The following RADIL variants were observed in gnomAD, a reference collection of about 807,000 sequenced individuals.
RADIL encodes the protein Rap associating with DIL domain.
In RADIL, 99 loss-of-function variants were observed where a neutral mutation model predicts 97.6. That is an observed-to-expected ratio of 1.01 (90% CI 0.86 to 1.20). The LOEUF (loss-of-function observed/expected upper bound fraction) is 1.20. RADIL is among the 50% of genes most tolerant of loss of function. RADIL has a pLI of 0.00. For missense variants in RADIL, 1,765 were observed against 1,498.9 expected, an observed-to-expected ratio of 1.18 and a Z score of -2.93; for synonymous variants, 803 against 691.8, an observed-to-expected ratio of 1.16 and a Z score of -2.52.
chr7:4,811,816 A>G (rs1006244126), intron 9 of RADIL, among the ~76,000 whole-genome samples: 4 of 151,696 alleles, frequency 2.6e-5, no homozygotes, highest in Non-Finnish European at 5.9e-5. Context: ...AAAATAATTC[A>G]CCAATGAAAC....
Position 4,799,726 on chromosome 7 carries a change from A to G in RADIL, c.3026T>C (p.Leu1009Pro). The change falls in exon 14 of 15, where the codon CTC (leucine) becomes CCC (proline). Residue 1009 changes from leucine (L) to proline (P), a missense_variant. Coordinates refer to ENST00000399583, the MANE Select transcript of RADIL (RefSeq NM_018059.5). ...GAPGLYIQTLLPGSPAAADGR... is the reference protein window; with the variant it reads ...GAPGLYIQTLPPGSPAAADGR... ...GTCGGCCGCTGCGGGGCTGCCCGGG[A>G]GCAGGGTCTGGATGTAGAGCCCGGG... 6.4e-7 allele frequency: 1 copy of G among 1,563,480 alleles called. No homozygotes were observed. The highest frequency in any genetic ancestry group is 8.6e-7 in the Non-Finnish European group (1 of 1,157,666).
rs549216265 is a variant in RADIL, at chr7:4,829,166, C to T, written c.1454+2975G>A. Among the ~76,000 whole-genome samples, 224 of 152,344 alleles carry T rather than the reference C, an allele frequency of 1.5e-3. 1 individual carries two copies. The highest frequency in any genetic ancestry group is 5.2e-3 in the African/African-American group (217 of 41,582). On this transcript the variant is annotated intron_variant, in intron 5 of 14. Transcript: ENST00000399583. ...GATGTCAGGTGCCACTGTAGGGGCC[C>T]GGGCCTGGACCACCTCCTTGCCGTG...
chr7:4,850,931 G>T (rs1207728341), intron 2 of RADIL, among the ~76,000 whole-genome samples: 1 of 152,204 alleles, frequency 6.6e-6, no homozygotes, highest in Non-Finnish European at 1.5e-5. Flanking sequence ...GCCGAGTGTG[G>T]TGGCTCACAC....
In RADIL at chr7:4,815,009, A is replaced by C. The variant is rs1782641157; in HGVS notation, c.2139+269T>G. Among the ~76,000 whole-genome samples, 1 of 152,190 alleles carries C rather than the reference A, an allele frequency of 6.6e-6. No individual in the cohort carries two copies. Among genetic ancestry groups the C allele is most frequent in the African/African-American group, 2.4e-5 (1 of 41,440 alleles). ...AATCTCAAGGTCCTTAATCGTAGTC[A>C]CACGTACAGAGGCTTCTTTGCCATG... On this transcript the variant is annotated intron_variant, in intron 9 of 14. Transcript: ENST00000399583. This position sits in a 1 kb window ranked among gnomAD's most constrained non-coding sequence, Gnocchi z 8.0.
chr7:4,817,513 G>A lies in RADIL; in HGVS notation c.1616-162C>T, dbSNP rs1443491436. Among the ~76,000 whole-genome samples, 2 of 152,150 alleles carry A rather than the reference G, an allele frequency of 1.3e-5. No homozygotes were observed. The highest frequency in any genetic ancestry group is 2.4e-5 in the African/African-American group (1 of 41,434). On this transcript the variant is annotated intron_variant, in intron 6 of 14. Coordinates refer to ENST00000399583, the MANE Select transcript of RADIL (RefSeq NM_018059.5). This position sits in a 1 kb window ranked among gnomAD's most constrained non-coding sequence, Gnocchi z 8.3. ...GCCGAGGGACTCTGGGCCCTGGCTGGGACGAGCGCAGCAAACCTGCCGCCA... is the reference window on the plus strand; with the variant it reads ...GCCGAGGGACTCTGGGCCCTGGCTGAGACGAGCGCAGCAAACCTGCCGCCA...
At chr7:4,830,748 T>C (rs1053683430) in intron 5 of RADIL, among the ~76,000 whole-genome samples, 5 of 151,334 alleles carry the variant, frequency 3.3e-5, no homozygotes, top group Admixed American at 2.6e-4. Flanking sequence ...GGCGCGGTGG[T>C]TCACACCTGT....
At position 4,806,227 on chromosome 7, in the gene RADIL, G is replaced by A. The variant is rs557744216; in HGVS notation, c.2140-511C>T. Among the ~76,000 whole-genome samples, 99 of 152,342 alleles carry A rather than the reference G, an allele frequency of 6.5e-4. 1 individual carries two copies. The highest frequency in any genetic ancestry group is 2.1e-3 in the African/African-American group (88 of 41,580). On this transcript the variant is annotated intron_variant, in intron 9 of 14. Coordinates refer to ENST00000399583, the MANE Select transcript of RADIL (RefSeq NM_018059.5). Reference sequence around the variant, plus strand: ...TGCAGTGGCTCAATCACAGCTCACCGCAGCCTCGACCTCCCAGGATCAAGC... The same window carrying A: ...TGCAGTGGCTCAATCACAGCTCACCACAGCCTCGACCTCCCAGGATCAAGC...
intron 1 of RADIL, among the ~76,000 whole-genome samples, chr7:4,882,399 C>A (rs954548011): frequency 5.2e-4 from 79 of 152,208 alleles, no homozygotes; most frequent in African/African-American, 1.9e-3. Context: ...TTGGGGAAAG[C>A]GCAGGGCTCG....
chr7:4,807,538 T>TCTCCCTCTGTCTCCCCTCCCTCCTCC (rs1409990836), intron 9 of RADIL, among the ~76,000 whole-genome samples: 1 of 69,066 alleles, frequency 1.4e-5, no homozygotes, highest in African/African-American at 6.0e-5. Context: ...CTCCCTCCTC[T>TCTCCCTCTGTCTCCCCTCCCTCCTCC]CTCCCTCTGT....
At position 4,819,609 on chromosome 7, in the gene RADIL, C is replaced by G. The variant is rs549710652; in HGVS notation, c.1616-2258G>C. Among the ~76,000 whole-genome samples the G allele has an allele frequency of 2.6e-5, 4 of 152,302 alleles. No individual in the cohort carries two copies. The South Asian group carries it at 8.3e-4, about 32-fold the overall frequency. ...ATGGTGTGAGGCGGCGCGGGAGGGG[C>G]CTGGGTCAGAGCTTTGTACAAAACA... On this transcript the variant is annotated intron_variant, in intron 6 of 14. Transcript: ENST00000399583. The surrounding 1 kb of genome is among the most constrained non-coding windows in gnomAD (Gnocchi z 5.8).
intron 2 of RADIL, among the ~76,000 whole-genome samples, chr7:4,876,739 G>C (rs897644805): frequency 6.6e-6 from 1 of 152,190 alleles, no homozygotes; most frequent in Non-Finnish European, 1.5e-5. Context: ...CCGTGCTCTC[G>C]GCACTCCTCA....
intron 9 of RADIL, chr7:4,809,119 G>A: frequency 3.0e-6 from 3 of 984,926 alleles, no homozygotes; most frequent in Non-Finnish European, 3.6e-6. Flanking sequence ...GCGCAGGACA[G>A]GCGCTTCCTG....
At position 4,799,618 on chromosome 7, in the gene RADIL, C is replaced by T. The variant is rs755277353; in HGVS notation, c.3122+12G>A. ...TGGGAGAAGGGGCCGGGCGTGCATG[C>T]GGTGGGGGTACCTCAGGTAGCCAAG... On this transcript the variant is annotated intron_variant, in intron 14 of 14. Transcript: ENST00000399583. 54 of 1,604,778 alleles carry T rather than the reference C, an allele frequency of 3.4e-5. No individual in the cohort carries two copies. Among genetic ancestry groups the T allele is most frequent in the African/African-American group, 8.0e-5 (6 of 74,796 alleles).
At chr7:4,827,126 A>G (rs1455230118) in intron 5 of RADIL, among the ~76,000 whole-genome samples, 1 of 152,162 alleles carries the variant, frequency 6.6e-6, no homozygotes, top group Non-Finnish European at 1.5e-5. Flanking sequence ...GCACTTTGGG[A>G]GGCCAAGGTG....
Position 4,800,187 on chromosome 7 carries a change from C to T in RADIL, c.2966G>A (p.Gly989Asp), listed in dbSNP as rs2115149607. The change falls in exon 13 of 15, where the codon GGC becomes GAC. Residue 989 changes from glycine (G) to aspartate (D), a missense_variant. Physicochemically the swap from Gly to Asp is moderately conservative, Grantham distance 94. Transcript: ENST00000399583. The part of the protein sequence containing the change: ...LERGPSGLGM[G>D]LIDGMHTHLG... ...GCCACTCACCATCCCGTCGATCAGG[C>T]CCATCCCCAGCCCGGAGGGGCCTCG... is the stretch of plus-strand genomic sequence containing the variant. 6.2e-7 allele frequency: 1 copy of T among 1,608,918 alleles called. No homozygotes were observed. Among genetic ancestry groups the T allele is most frequent in the Non-Finnish European group, 8.5e-7 (1 of 1,178,618 alleles).
intron 2 of RADIL, among the ~76,000 whole-genome samples, chr7:4,876,884 T>G (rs916841050): frequency 6.6e-6 from 1 of 152,214 alleles, no homozygotes; most frequent in Admixed American, 6.5e-5. Context: ...CAATGCCACG[T>G]AGGTTTTGGC....
rs1782280490 is a variant in RADIL at position 4,805,604 on chromosome 7, TCCCAGGTGCTCATGGGGCCCATGGCC to T, written c.2226_2251del (p.Met744ArgfsTer89). ...CTCGGGGCTGTCCTGGGCCCCTGGC[TCCCAGGTGCTCATGGGGCCCATGGCC>T]GAGGCCAGCTGGTAGTGAGTCAGCA... On this transcript the variant is annotated frameshift_variant, in exon 10 of 15. Transcript: ENST00000399583. LOFTEE classifies it high-confidence loss of function. 6.2e-7 allele frequency: 1 copy of T among 1,611,630 alleles called. No homozygotes were observed. Among genetic ancestry groups the T allele is most frequent in the African/African-American group, 1.3e-5 (1 of 74,936 alleles).
In RADIL at chr7:4,805,577, G is replaced by T. The variant is rs767335447; in HGVS notation, c.2279C>A (p.Ala760Asp). Residue 760 changes from alanine to aspartate, a missense_variant, in exon 10 of 15, where the codon GCC becomes GAC. By Grantham distance (126) the Ala-to-Asp change is moderately radical. Coordinates refer to ENST00000399583, the MANE Select transcript of RADIL (RefSeq NM_018059.5). ...WEPGAQDSPE[A>D]FRSEDVLESY... ...GGGGCAGGGCTTACCTGACCTGAAG[G>T]CCTCGGGGCTGTCCTGGGCCCCTGG... is the stretch of plus-strand genomic sequence containing the variant. The T allele has an allele frequency of 1.2e-6, 2 of 1,602,352 alleles. No individual in the cohort carries two copies. Among genetic ancestry groups the T allele is most frequent in the Non-Finnish European group, 8.5e-7 (1 of 1,173,632 alleles).
chr7:4,856,775 C>T (rs1783842909), intron 2 of RADIL, among the ~76,000 whole-genome samples: 1 of 152,098 alleles, frequency 6.6e-6, no homozygotes, highest in Non-Finnish European at 1.5e-5. Context: ...ATGCATTTTC[C>T]AATTGTGGGG....
Sources: gnomAD v4.1 joint callset for allele counts (sites outside exome capture counted in the v4.1 genomes callset) on GRCh38, gnomAD v4.1.1 for gene constraint, Gnocchi (gnomAD v3.1) non-coding constraint, MANE v1.5 for transcripts, NCBI Gene and HGNC (gene_info 2026-07-23, HGNC 2026-07-21) for gene names.